The following HSH2D variants were observed in gnomAD, a reference collection of about 807,000 sequenced individuals.
HSH2D encodes hematopoietic SH2 domain-containing protein.
A neutral mutation model predicts 21.5 loss-of-function variants in HSH2D; 16 were observed. That is an observed-to-expected ratio of 0.74 (90% CI 0.50 to 1.13). The LOEUF (loss-of-function observed/expected upper bound fraction) is 1.13. Among genes scored for constraint, HSH2D ranks in the 50% most tolerant of loss-of-function variants. HSH2D has a pLI of 0.00. For synonymous variants in HSH2D, 172 were observed against 184.7 expected (o/e 0.93, Z 0.56); for missense variants, 418 against 441.4 (o/e 0.95, Z 0.47).
intron 5 of HSH2D, among the ~76,000 whole-genome samples, chr19:16,156,225 G>A (rs1440281135): frequency 6.6e-6 from 1 of 151,904 alleles, no homozygotes; most frequent in Non-Finnish European, 1.5e-5. Context: ...GGTGGCGCAC[G>A]CCTGTAGTCA....
rs776694336 is a variant in HSH2D at position 16,157,368 on chromosome 19, C to T, written c.633C>T (p.Pro211=). ...TCTGGAGGAGCCTCAAAATGCTCCC[C>T]GAGAGAGGCCAGAGGGTCCGGCAGC... ...QKLWRSLKML[P]ERGQRVRQQL... The change falls in exon 6 of 6, where the codon CCC becomes CCT. Residue 211 remains proline (P), a synonymous_variant. Transcript: ENST00000613986. This position sits in a 1 kb window ranked among gnomAD's most constrained non-coding sequence, Gnocchi z 4.4. The T allele has an allele frequency of 7.4e-6, 12 of 1,613,766 alleles. No individual in the cohort carries two copies. The highest frequency in any genetic ancestry group is 1.6e-4 in the Middle Eastern group (1 of 6,084).
At chr19:16,140,128 G>A (rs1283207593), upstream of HSH2D, among the ~76,000 whole-genome samples, 1 of 151,978 alleles carries the variant, frequency 6.6e-6, no homozygotes, top group Non-Finnish European at 1.5e-5. Context: ...ACTTTCCCAG[G>A]AGGATCAGAG....
intron 4 of HSH2D, 135 bp downstream of exon 4, chr19:16,153,343 C>T (rs1046831807): frequency 2.4e-6 from 2 of 833,596 alleles, no homozygotes; most frequent in Admixed American, 3.2e-5. Flanking sequence ...CGGCCCCACC[C>T]CAGTAGTCCC....
At chr19:16,137,150 C>CAAAATAGGGGGGA (rs2090969433) in intron 1 of HSH2D, among the ~76,000 whole-genome samples, 2 of 152,166 alleles carry the variant, frequency 1.3e-5, no homozygotes, top group Non-Finnish European at 2.9e-5. Context: ...ACTTAGTTTC[C>CAAAATAGGGGGGA]TCTCTTGCAA....
chr19:16,134,472 C>A (rs915332310), intron 1 of HSH2D, among the ~76,000 whole-genome samples: 1 of 152,188 alleles, frequency 6.6e-6, no homozygotes, highest in African/African-American at 2.4e-5. Flanking sequence ...TGCCAGCAGG[C>A]CTTTCTCAGG....
At chr19:16,146,059 G>A (rs1468423359) in intron 1 of HSH2D, among the ~76,000 whole-genome samples, 1 of 145,106 alleles carries the variant, frequency 6.9e-6, no homozygotes, top group Admixed American at 7.0e-5. Context: ...CTGGGCAACA[G>A]AGCGAGATTC....
At chr19:16,150,021 G>C (rs1017860589) in intron 2 of HSH2D, among the ~76,000 whole-genome samples, 3 of 152,184 alleles carry the variant, frequency 2.0e-5, no homozygotes, top group African/African-American at 4.8e-5. Context: ...AGAGGAAGTA[G>C]TATTGGTCAT....
upstream of HSH2D, among the ~76,000 whole-genome samples, chr19:16,142,904 C>T (rs539502138): frequency 1.3e-5 from 2 of 152,186 alleles, no homozygotes; most frequent in African/African-American, 4.8e-5. Context: ...TCCTGAGTAG[C>T]TGGGATTACA....
rs1398585846 is a variant in HSH2D at position 16,148,883 on chromosome 19, C to A, written c.125+8C>A. 3.7e-6 allele frequency: 6 copies of A among 1,603,184 alleles called. No individual in the cohort carries two copies. The highest frequency in any genetic ancestry group is 5.1e-6 in the Non-Finnish European group (6 of 1,173,410). ...TGGTGCAATCTCAAGAGAGTGAGGA[C>A]ACACCCACACCCTCCACCCTGCCCT... On this transcript the variant is annotated splice_region_variant and intron_variant, in intron 2 of 5. Coordinates refer to ENST00000613986, the MANE Select transcript of HSH2D (RefSeq NM_001382417.1).
In HSH2D at chr19:16,157,846, C is replaced by G. The variant is rs1028175084; in HGVS notation, c.*52C>G. On this transcript the variant is annotated 3_prime_UTR_variant, in exon 6 of 6. Coordinates refer to ENST00000613986, the MANE Select transcript of HSH2D (RefSeq NM_001382417.1). This position sits in a 1 kb window ranked among gnomAD's most constrained non-coding sequence, Gnocchi z 4.4. ...CTCGCTGCCAGGGGCTGCCACACTC[C>G]TGAATGCCTTAACATTTCTTCCATG... The G allele has an allele frequency of 5.3e-6, 7 of 1,313,760 alleles. No individual in the cohort carries two copies. The South Asian group carries it at 8.5e-5, about 16-fold the overall frequency. The allele number at this position is 1,313,760 out of a possible 1,614,324, so 81.4% of individuals were successfully genotyped here. A position where few individuals can be genotyped will look rare whatever the true frequency, so the allele number is the denominator to read the frequency against.
At chr19:16,141,633 T>C (rs2145015492), upstream of HSH2D, among the ~76,000 whole-genome samples, 1 of 152,166 alleles carries the variant, frequency 6.6e-6, no homozygotes, top group East Asian at 1.9e-4. Flanking sequence ...AGTTGTAAAA[T>C]AGAATTTTAA....
At chr19:16,146,733 C>T (rs1292436554) in intron 1 of HSH2D, among the ~76,000 whole-genome samples, 1 of 152,024 alleles carries the variant, frequency 6.6e-6, no homozygotes, top group Non-Finnish European at 1.5e-5. Context: ...TGACCACCAC[C>T]GTTGGGTCAG....
At chr19:16,135,176 G>T (rs28580556) in intron 1 of HSH2D, among the ~76,000 whole-genome samples, 271 of 152,258 alleles carry the variant, frequency 1.8e-3, no homozygotes, top group African/African-American at 6.3e-3. Context: ...GGAGGCTGAG[G>T]CAGGAGAATC....
intron 1 of HSH2D, among the ~76,000 whole-genome samples, chr19:16,146,888 C>T (rs1204552565): frequency 1.3e-5 from 2 of 150,778 alleles, no homozygotes; most frequent in Non-Finnish European, 2.9e-5. Context: ...TGCAATGGCG[C>T]GATCTTGGCT....
chr19:16,152,653 GC>G lies in HSH2D; in HGVS notation c.215+14del. The G allele has an allele frequency of 6.5e-7, 1 of 1,544,356 alleles. No individual in the cohort carries two copies. Among genetic ancestry groups the G allele is most frequent in the Non-Finnish European group, 8.7e-7 (1 of 1,144,882 alleles). On this transcript the variant is annotated intron_variant, in intron 3 of 5. Transcript: ENST00000613986. ...ACACTCTCCTACAAGTAAGGCCTGG[GC>G]CGGGATCCAGGGCAGGGGCAGGTGG... is the stretch of plus-strand genomic sequence containing the variant.
intron 2 of HSH2D, among the ~76,000 whole-genome samples, chr19:16,150,822 C>T (rs2091138784): frequency 6.6e-6 from 1 of 152,196 alleles, no homozygotes; most frequent in Non-Finnish European, 1.5e-5. Flanking sequence ...TGCATCTCTG[C>T]ACTCCAGCCT....
chr19:16,149,010 G>C (rs1258562602), intron 2 of HSH2D, 135 bp downstream of exon 2: 18 of 943,458 alleles, frequency 1.9e-5, no homozygotes, highest in African/African-American at 6.7e-5. Flanking sequence ...TGAGCTCCAG[G>C]CTCCCAGGCT....
chr19:16,152,773 G>A, intron 3 of HSH2D, 132 bp downstream of exon 3: 1 of 796,850 alleles, frequency 1.3e-6, no homozygotes, highest in Non-Finnish European at 2.1e-6. Context: ...GAGAACGGGA[G>A]CTGCTAGCCA....
At chr19:16,144,714 AC>A (rs1164584367) in intron 1 of HSH2D, among the ~76,000 whole-genome samples, 2 of 99,188 alleles carry the variant, frequency 2.0e-5, no homozygotes, top group African/African-American at 7.4e-5. Context: ...TTTTTTTGAG[AC>A]GGAGTCTTGC....
Sources: allele counts gnomAD v4.1 joint callset (sites outside exome capture counted in the v4.1 genomes callset), GRCh38; gene constraint gnomAD v4.1.1; non-coding constraint Gnocchi (gnomAD v3.1); transcripts MANE v1.5; gene names NCBI Gene and HGNC (gene_info 2026-07-23, HGNC 2026-07-21).